LCOR: variants seen among roughly 807,000 people sequenced by gnomAD.
The protein encoded by LCOR is ligand-dependent corepressor.
LCOR carries 14 observed loss-of-function variants against 64.4 expected under a neutral mutation model. That is an observed-to-expected ratio of 0.22 (90% CI 0.14 to 0.34). The LOEUF (loss-of-function observed/expected upper bound fraction) is 0.34, where lower values mean the gene tolerates loss of function less well. Ranked by LOEUF, LCOR falls within the 10% of genes least tolerant of loss-of-function variation. The probability of loss-of-function intolerance (pLI) is 1.00; values close to 1 mark genes in which losing one functional copy is unlikely to be tolerated. For synonymous variants in LCOR, 643 were observed against 642.5 expected, an observed-to-expected ratio of 1.00 and a Z score of -0.01; for missense variants, 1,686 against 1,765.3, an observed-to-expected ratio of 0.96 and a Z score of 0.80.
At chr10:96,894,720 G>T (rs917600859) in intron 2 of LCOR, among the ~76,000 whole-genome samples, 1 of 152,210 alleles carries the variant, frequency 6.6e-6, no homozygotes, top group Non-Finnish European at 1.5e-5. Flanking sequence ...TGATGTGTTA[G>T]AAGTGTGGTA....
At chr10:96,867,925 C>T (rs1846001617) in intron 2 of LCOR, among the ~76,000 whole-genome samples, 1 of 151,788 alleles carries the variant, frequency 6.6e-6, no homozygotes, top group African/African-American at 2.4e-5. Flanking sequence ...TCTCTTGTTG[C>T]TCAGGCTAGA....
chr10:96,944,592 AT>A (rs35733272), intron 5 of LCOR, among the ~76,000 whole-genome samples: 8,347 of 139,932 alleles, frequency 0.06, 709 homozygotes, highest in African/African-American at 0.19. Flanking sequence ...CAACTGTGTG[AT>A]TTTTTTTTTT....
intron 2 of LCOR, among the ~76,000 whole-genome samples, chr10:96,878,654 A>G (rs1846210465): frequency 6.6e-6 from 1 of 152,214 alleles, no homozygotes; most frequent in South Asian, 2.1e-4. Context: ...ATTGCTGAAT[A>G]TTAAGTTCCA....
chr10:96,844,739 G>C (rs1194520563), intron 2 of LCOR, among the ~76,000 whole-genome samples: 1 of 152,232 alleles, frequency 6.6e-6, no homozygotes, highest in Non-Finnish European at 1.5e-5. Context: ...AGGCTTAGGA[G>C]AGGGAAAGGC....
rs1457795518 is a variant in LCOR, at chr10:96,987,917, A to C, written c.*2783A>C. On this transcript the variant is annotated 3_prime_UTR_variant, in exon 8 of 8. Coordinates refer to ENST00000421806, the MANE Select transcript of LCOR (RefSeq NM_001346516.2). ...CTTCAAGAATGGCTTACCACACCAG[A>C]TGCAAAAGCAGTCCATCCCACATTC... 6.6e-6 allele frequency: 1 copy of C among 152,214 alleles called. No individual in the cohort carries two copies. 9.4% of individuals were successfully genotyped at this position (152,214 alleles called of 1,614,324 possible).
chr10:96,952,194 C>T lies in LCOR; in HGVS notation c.330C>T (p.Asn110=), dbSNP rs563114887. The T allele has an allele frequency of 1.3e-5, 21 of 1,604,746 alleles. No individual in the cohort carries two copies. Among genetic ancestry groups the T allele is most frequent in the Middle Eastern group, 3.3e-4 (2 of 6,040 alleles). ...CAGGCTGCTCCAGTACTCAAGGGAA[C>T]GGGTAAGGGAGAATATTTGTAGCCT... is the stretch of plus-strand genomic sequence containing the variant. ...HSPGCSSTQG[N]GENSTEAKAV... is the part of the protein sequence containing the mutation. Residue 110 remains asparagine (N), a splice_region_variant and synonymous_variant, in exon 7 of 8, where the codon AAC becomes AAT. Coordinates refer to ENST00000421806, the MANE Select transcript of LCOR (RefSeq NM_001346516.2).
rs563256277 is a variant in LCOR at position 96,983,211 on chromosome 10, C to T, written c.2751C>T (p.Asp917=). 4 of 1,614,120 alleles carry T rather than the reference C, an allele frequency of 2.5e-6. No individual in the cohort carries two copies. The South Asian group carries it at 4.4e-5, about 18-fold the overall frequency. The change falls in exon 8 of 8, where the codon GAC becomes GAT. Residue 917 remains aspartate, a synonymous_variant. Transcript: ENST00000421806. The surrounding 1 kb of genome is among the most constrained non-coding windows in gnomAD (Gnocchi z 4.5). ...GGCAGACTTTGAAAAACATGCTGGA[C>T]AAAGAAGTCAAGGAGTTACGAGGAG... ...ITRQTLKNML[D]KEVKELRGEI...
intron 2 of LCOR, among the ~76,000 whole-genome samples, chr10:96,880,770 G>A (rs1846249436): frequency 2.0e-5 from 3 of 152,106 alleles, no homozygotes; most frequent in South Asian, 4.1e-4. Context: ...GCTTCTCTTT[G>A]TTGGCATTAA....
intron 7 of LCOR, among the ~76,000 whole-genome samples, chr10:96,969,946 A>ATTTTT (rs751045855): frequency 5.9e-5 from 4 of 67,736 alleles, no homozygotes; most frequent in African/African-American, 1.2e-4. Context: ...CACCTGGATA[A>ATTTTT]TTTTTTTTTT....
At position 96,904,416 on chromosome 10, in the gene LCOR, T is replaced by C. The variant is rs377407793; in HGVS notation, c.-329-2849T>C. Among the ~76,000 whole-genome samples, 169 of 152,294 alleles carry C rather than the reference T, an allele frequency of 1.1e-3. 3 individuals are homozygous for C. In the South Asian group the frequency reaches 0.033, roughly 30 times the overall value. ...AGGTAGGGTCAAATTATAAGCAGTT[T>C]TGATTGCCGAATTTGGAATTTGGGG... On this transcript the variant is annotated intron_variant, in intron 2 of 7. Transcript: ENST00000421806.
chr10:96,973,065 G>A (rs187917377), intron 7 of LCOR, among the ~76,000 whole-genome samples: 1 of 152,136 alleles, frequency 6.6e-6, no homozygotes, highest in Admixed American at 6.5e-5. Context: ...CTGGGAAAGG[G>A]GATAATTTAA....
intron 2 of LCOR, among the ~76,000 whole-genome samples, chr10:96,868,038 C>T (rs1349457737): frequency 6.6e-6 from 1 of 151,776 alleles, no homozygotes; most frequent in Non-Finnish European, 1.5e-5. Flanking sequence ...GCATGCACCA[C>T]CGTGCCTGGC....
chr10:96,951,025 A>G (rs1218284280), intron 6 of LCOR, among the ~76,000 whole-genome samples: 1 of 152,026 alleles, frequency 6.6e-6, no homozygotes, highest in African/African-American at 2.4e-5. Context: ...TTGCCTGTTT[A>G]TTTCTAACAG....
chr10:96,845,449 C>CTTTTTTTTTTTTTTTTT (rs762639752), intron 2 of LCOR, among the ~76,000 whole-genome samples: 3 of 48,686 alleles, frequency 6.2e-5, no homozygotes, highest in African/African-American at 1.7e-4. Context: ...TGGGCTTATC[C>CTTTTTTTTTTTTTTTTT]TTTTTTTTTT....
rs1172826563 is a variant in LCOR at position 96,984,702 on chromosome 10, G to A, written c.4242G>A (p.Gly1414=). ...GSSPPDSKNK[G]PTVKASKEKH... is the part of the protein sequence containing the mutation. ...GCCCTCCAGATAGTAAGAACAAGGGGCCTACGGTGAAAGCCAGCAAAGAAA... is the reference window on the plus strand; with the variant it reads ...GCCCTCCAGATAGTAAGAACAAGGGACCTACGGTGAAAGCCAGCAAAGAAA... The change falls in exon 8 of 8, where the codon GGG becomes GGA. Residue 1414 remains glycine (G), a synonymous_variant. Transcript: ENST00000421806. 1 of 1,614,024 alleles carries A rather than the reference G, an allele frequency of 6.2e-7. No homozygotes were observed. Among genetic ancestry groups the A allele is most frequent in the Non-Finnish European group, 8.5e-7 (1 of 1,180,028 alleles).
intron 7 of LCOR, among the ~76,000 whole-genome samples, chr10:96,954,725 T>G (rs1847737303): frequency 6.6e-6 from 1 of 152,198 alleles, no homozygotes; most frequent in African/African-American, 2.4e-5. Flanking sequence ...AATTTTTCTT[T>G]GCCCAAAAAG....
In LCOR at chr10:96,949,175, A is replaced by AC; in HGVS notation, c.120dup (p.Thr41HisfsTer20). The AC allele has an allele frequency of 6.2e-7, 1 of 1,614,052 alleles. No homozygotes were observed. Among genetic ancestry groups the AC allele is most frequent in the Non-Finnish European group, 8.5e-7 (1 of 1,180,006 alleles). On this transcript the variant is annotated frameshift_variant, in exon 6 of 8. Coordinates refer to ENST00000421806, the MANE Select transcript of LCOR (RefSeq NM_001346516.2). LOFTEE classifies it high-confidence loss of function. ...AAGCCTGCCGAAAGCATCTCCAGTCACCACCTCTCCCACGGCTGCAACTAC... is the reference window on the plus strand; with the variant it reads ...AAGCCTGCCGAAAGCATCTCCAGTCACCCACCTCTCCCACGGCTGCAACTAC...
chr10:96,871,373 T>C (rs1846069652), intron 2 of LCOR, among the ~76,000 whole-genome samples: 1 of 151,880 alleles, frequency 6.6e-6, no homozygotes, highest in South Asian at 2.1e-4. Flanking sequence ...TTTTTTTTCC[T>C]AAAGAATCAG....
At chr10:96,948,978 C>T in intron 5 of LCOR, 30 bp from the exon 6 acceptor site, 2 of 1,518,700 alleles carry the variant, frequency 1.3e-6, no homozygotes, top group Non-Finnish European at 1.8e-6. Context: ...CATTGTCCCA[C>T]TTTAAAAGTA....
Sources: gnomAD v4.1 joint callset for allele counts (sites outside exome capture counted in the v4.1 genomes callset) on GRCh38, gnomAD v4.1.1 for gene constraint, Gnocchi (gnomAD v3.1) non-coding constraint, MANE v1.5 for transcripts, NCBI Gene and HGNC (gene_info 2026-07-23, HGNC 2026-07-21) for gene names.